TRDN: variants seen among roughly 807,000 people sequenced by gnomAD.
The protein encoded by TRDN is triadin in skeletal muscle.
A neutral mutation model predicts 149.7 loss-of-function variants in TRDN; 161 were observed. That is an observed-to-expected ratio of 1.08 (90% CI 0.95 to 1.23). TRDN has a LOEUF of 1.23. Among genes scored for constraint, TRDN ranks in the 50% most tolerant of loss-of-function variants. The pLI, the probability that TRDN is intolerant of heterozygous loss-of-function variation, is 0.00. For missense variants in TRDN, 896 were observed against 823.5 expected (o/e 1.09, Z -1.08); for synonymous variants, 294 against 250.5 (o/e 1.17, Z -1.64).
intron 1 of TRDN, among the ~76,000 whole-genome samples, chr6:123,588,167 A>T (rs1215984451): frequency 6.6e-6 from 1 of 152,170 alleles, no homozygotes; most frequent in Non-Finnish European, 1.5e-5. Context: ...GAAATTCTCT[A>T]CAGAATGTAG....
At position 123,258,744 on chromosome 6, in the gene TRDN, C is replaced by T. The variant is rs548433671; in HGVS notation, c.1870+880G>A. 7.2e-5 allele frequency among the ~76,000 whole-genome samples: 11 copies of T among 152,132 alleles called. 1 individual carries two copies. The South Asian group carries it at 1.9e-3, about 26-fold the overall frequency. On this transcript the variant is annotated intron_variant, in intron 35 of 40. Coordinates refer to ENST00000334268, the MANE Select transcript of TRDN (RefSeq NM_006073.4). ...TCCTCTTTGTACCTCTGGTAGAATTCGTCTGTGAATCCGTCTGGTCCTGGG... is the reference window on the plus strand; with the variant it reads ...TCCTCTTTGTACCTCTGGTAGAATTTGTCTGTGAATCCGTCTGGTCCTGGG...
chr6:123,478,007 A>T (rs1263126942), intron 9 of TRDN, among the ~76,000 whole-genome samples: 2 of 151,920 alleles, frequency 1.3e-5, no homozygotes, highest in African/African-American at 4.8e-5. Flanking sequence ...ATGTATACGT[A>T]TGTAACTAAC....
chr6:123,605,891 T>C lies in TRDN; in HGVS notation c.22+30863A>G, dbSNP rs559799709. The stretch of plus-strand genomic sequence containing the variant: ...AGCCTCCTATTTTGTTTTTGATGGT[T>C]AGCATCACTGAGTAAAATTTTCAAG... On this transcript the variant is annotated intron_variant, in intron 1 of 40. Coordinates refer to ENST00000334268, the MANE Select transcript of TRDN (RefSeq NM_006073.4). Among the ~76,000 whole-genome samples, 33 of 152,314 alleles carry C rather than the reference T, an allele frequency of 2.2e-4. 1 individual carries two copies. In the South Asian group the frequency reaches 6.0e-3, roughly 28 times the overall value.
chr6:123,563,329 C>T (rs568400511), intron 2 of TRDN, among the ~76,000 whole-genome samples: 1 of 152,236 alleles, frequency 6.6e-6, no homozygotes, highest in Non-Finnish European at 1.5e-5. Flanking sequence ...TGTCAAATAA[C>T]GGGCACTTTA....
chr6:123,355,806 T>A (rs562945589), intron 20 of TRDN, among the ~76,000 whole-genome samples: 2 of 151,860 alleles, frequency 1.3e-5, no homozygotes, highest in South Asian at 4.1e-4. Context: ...CTCAAATATG[T>A]TAAAATGTAA....
intron 9 of TRDN, among the ~76,000 whole-genome samples, chr6:123,477,982 C>A (rs1032132545): frequency 6.6e-6 from 1 of 151,360 alleles, no homozygotes; most frequent in African/African-American, 2.4e-5. Context: ...GTGGGTGCAG[C>A]GCACCAGCAT....
chr6:123,229,776 A>G (rs1203581150), intron 38 of TRDN, among the ~76,000 whole-genome samples: 2 of 151,982 alleles, frequency 1.3e-5, no homozygotes, highest in Non-Finnish European at 2.9e-5. Flanking sequence ...AATTCCAAGT[A>G]TATGAGAAAA....
rs148246210 is a variant in TRDN, at chr6:123,352,810, T to C, written c.1322-224A>G. Among the ~76,000 whole-genome samples, 1,118 of 152,026 alleles carry C rather than the reference T, an allele frequency of 7.4e-3. 13 individuals are homozygous for C. The highest frequency in any genetic ancestry group is 0.026 in the African/African-American group (1,091 of 41,526). ...AATCTTCTGCCTACATTTCTACAAT[T>C]GTATCTGTTTTATTCCTTTACACTC... On this transcript the variant is annotated intron_variant, in intron 20 of 40. Transcript: ENST00000334268.
chr6:123,506,363 T>C (rs1470541596), intron 7 of TRDN, among the ~76,000 whole-genome samples: 3 of 152,236 alleles, frequency 2.0e-5, no homozygotes, highest in Non-Finnish European at 4.4e-5. Flanking sequence ...TCTACTGGAC[T>C]GCTTTCTTTC....
At chr6:123,452,972 G>A (rs192942950) in intron 10 of TRDN, among the ~76,000 whole-genome samples, 135 of 148,290 alleles carry the variant, frequency 9.1e-4, no homozygotes, top group Middle Eastern at 6.8e-3. Flanking sequence ...ACTGATCTTC[G>A]AAAAAGCAAA....
intron 18 of TRDN, among the ~76,000 whole-genome samples, chr6:123,376,592 G>T (rs1012381745): frequency 6.6e-6 from 1 of 152,012 alleles, no homozygotes; most frequent in Non-Finnish European, 1.5e-5. Context: ...AAGATAATAC[G>T]ATTTTAACAG....
At position 123,377,461 on chromosome 6, in the gene TRDN, T is replaced by C. The variant is rs568355282; in HGVS notation, c.1246+255A>G. ...TTGAGTGGGGCCAAAAATCCTTCAT[T>C]TCTAATAACATTTTGGGTGATTCTG... On this transcript the variant is annotated intron_variant, in intron 18 of 40. Transcript: ENST00000334268. 5.3e-4 allele frequency among the ~76,000 whole-genome samples: 80 copies of C among 152,148 alleles called. 3 individuals are homozygous for C. The highest frequency in any genetic ancestry group is 3.1e-4 in the Non-Finnish European group (21 of 68,028).
rs750033523 is a variant in TRDN at position 123,269,800 on chromosome 6, T to G, written c.1738+49A>C. The G allele has an allele frequency of 5.0e-6, 8 of 1,594,132 alleles. No homozygotes were observed. The South Asian group carries it at 8.0e-5, about 16-fold the overall frequency. ...AAAAACTAAGCAAAATTGTTAAAGC[T>G]GAAATGGTCAAGCGATATTTCTCAG... On this transcript the variant is annotated intron_variant, in intron 31 of 40. Transcript: ENST00000334268.
At chr6:123,458,180 G>T (rs185908544) in intron 10 of TRDN, among the ~76,000 whole-genome samples, 3 of 152,126 alleles carry the variant, frequency 2.0e-5, no homozygotes, top group Non-Finnish European at 4.4e-5. Flanking sequence ...GGAGCACTGG[G>T]GCCTGTTATA....
chr6:123,502,457 G>A, intron 8 of TRDN: 3 of 669,162 alleles, frequency 4.5e-6, no homozygotes, highest in Non-Finnish European at 5.5e-6. Context: ...AAGGTTTGTA[G>A]ATCACTAAAA....
intron 20 of TRDN, among the ~76,000 whole-genome samples, chr6:123,352,881 A>T (rs1403867427): frequency 6.6e-6 from 1 of 151,918 alleles, no homozygotes; most frequent in East Asian, 1.9e-4. Flanking sequence ...TGACAGGACT[A>T]TGATTAATCT....
rs533210679 is a variant in TRDN, at chr6:123,453,890, G to GGTGTGTGTGTGTGT, written c.931+11002_931+11015dup. Among the ~76,000 whole-genome samples the GGTGTGTGTGTGTGT allele has an allele frequency of 3.2e-3, 483 of 148,650 alleles. 1 individual carries two copies. The highest frequency in any genetic ancestry group is 0.012 in the South Asian group (55 of 4,658). On this transcript the variant is annotated intron_variant, in intron 10 of 40. Transcript: ENST00000334268. Reference sequence around the variant, plus strand: ...GTCAATGAGTGGATAAAGAAACTGTGGTGTGTGTGTGTGTGTGTGTGTGTA... The same window carrying GGTGTGTGTGTGTGT: ...GTCAATGAGTGGATAAAGAAACTGTGGTGTGTGTGTGTGTGTGTGTGTGTGTGTGTGTGTGTGTA...
intron 10 of TRDN, chr6:123,463,113 G>A (rs1776556261): frequency 6.6e-6 from 1 of 152,094 alleles, no homozygotes; most frequent in East Asian, 1.9e-4. Context: ...CAAGGAGGGT[G>A]GATCACGAGG....
chr6:123,402,649 A>C (rs1026232601), intron 12 of TRDN, among the ~76,000 whole-genome samples: 4 of 152,142 alleles, frequency 2.6e-5, no homozygotes, highest in African/African-American at 9.7e-5. Flanking sequence ...CAGTGTTTTG[A>C]AGAGATAAAA....
Sources: allele counts gnomAD v4.1 joint callset (sites outside exome capture counted in the v4.1 genomes callset), GRCh38; gene constraint gnomAD v4.1.1; transcripts MANE v1.5; gene names NCBI Gene and HGNC (gene_info 2026-07-23, HGNC 2026-07-21).